KLC2: variants seen among roughly 807,000 people sequenced by gnomAD.
The protein encoded by KLC2 is KLC 2.
A neutral mutation model predicts 75.1 loss-of-function variants in KLC2; 35 were observed. That is an observed-to-expected ratio of 0.47 (90% confidence interval 0.36 to 0.62). The LOEUF (loss-of-function observed/expected upper bound fraction) is 0.62, where lower values mean the gene tolerates loss of function less well. KLC2 is among the 20% of genes least tolerant of loss of function. The pLI is 0.00. For missense variants in KLC2, 611 were observed against 833.2 expected (o/e 0.73, Z 3.28); for synonymous variants, 314 against 336.7 (o/e 0.93, Z 0.74).
At chr11:66,263,093 T>A in intron 5 of KLC2, 57 bp downstream of exon 5, 1 of 1,314,408 alleles carries the variant, frequency 7.6e-7, no homozygotes, top group Non-Finnish European at 1.1e-6. Flanking sequence ...CCTGGATCAC[T>A]AACCCTTGGT....
In KLC2 at chr11:66,258,734, C is replaced by T; in HGVS notation, c.140C>T (p.Ala47Val). The T allele has an allele frequency of 6.2e-7, 1 of 1,613,310 alleles. No individual in the cohort carries two copies. Among genetic ancestry groups the T allele is most frequent in the South Asian group, 1.1e-5 (1 of 91,084 alleles). The stretch of plus-strand genomic sequence containing the variant: ...CTGGCTCCTCTGGTTGCACCTGAGG[C>T]CGGCGAAGCCGAGCCTGGCTCGCAG... ...ALLAPLVAPE[A>V]GEAEPGSQER... The change falls in exon 2 of 16, where the codon GCC becomes GTC. Residue 47 changes from alanine to valine, a missense_variant. Transcript: ENST00000394067.
Position 66,266,528 on chromosome 11 carries a change from G to T in KLC2, c.1785+38G>T, listed in dbSNP as rs370619951. ...GGGTGTCTGGGCACTGGGCAGCTGC[G>T]GCCGGGGCTGCATGCGTGCTGCCAA... is the stretch of plus-strand genomic sequence containing the variant. On this transcript the variant is annotated intron_variant, in intron 15 of 15. Transcript: ENST00000394067. 2.5e-6 allele frequency: 4 copies of T among 1,588,526 alleles called. No individual in the cohort carries two copies. The Admixed American group carries it at 5.0e-5, about 20-fold the overall frequency.
chr11:66,261,658 T>C, intron 2 of KLC2, 84 bp from the exon 3 acceptor site: 2 of 832,126 alleles, frequency 2.4e-6, no homozygotes, highest in South Asian at 1.6e-5. Flanking sequence ...CTTCACTGGG[T>C]GCCAGAGCCC....
chr11:66,262,878 C>A lies in KLC2; in HGVS notation c.594C>A (p.Leu198=), dbSNP rs776328346. Residue 198 remains leucine, a synonymous_variant, in exon 5 of 16, where the codon CTC becomes CTA. Coordinates refer to ENST00000394067, the MANE Select transcript of KLC2 (RefSeq NM_001318734.2). ...QHGGYEIPAR[L]RTLHNLVIQY... ...GGGGCTACGAGATCCCGGCCCGGCT[C>A]CGCACCCTGCACAACCTGGTGATCC... 2.5e-6 allele frequency: 4 copies of A among 1,613,876 alleles called. No homozygotes were observed. Among genetic ancestry groups the A allele is most frequent in the Non-Finnish European group, 3.4e-6 (4 of 1,179,966 alleles).
intron 15 of KLC2, 69 bp from the exon 16 acceptor site, chr11:66,266,804 C>A: frequency 6.6e-7 from 1 of 1,521,118 alleles, no homozygotes; most frequent in Non-Finnish European, 9.1e-7. Flanking sequence ...CAGGTCAGAC[C>A]CCTTCAGGCC....
At position 66,267,707 on chromosome 11, in the gene KLC2, A is replaced by G. The variant is rs186866396; in HGVS notation, c.*751A>G. On this transcript the variant is annotated 3_prime_UTR_variant, in exon 16 of 16. Transcript: ENST00000394067. The stretch of plus-strand genomic sequence containing the variant: ...ACCCCGCCCCGGGCACCGCCCACCG[A>G]GCCATCCTGCCTCGCCTCCCCCCAC... The G allele has an allele frequency of 6.5e-3, 3,220 of 497,108 alleles. 87 individuals carry two copies. The highest frequency in any genetic ancestry group is 0.058 in the African/African-American group (2,829 of 48,866). The allele number at this position is 497,108 out of a possible 1,614,324, so 30.8% of individuals were successfully genotyped here.
chr11:66,250,033 G>C, the KLC2 span, among the ~76,000 whole-genome samples: 1 of 151,884 alleles, frequency 6.6e-6, no homozygotes, highest in African/African-American at 2.4e-5. Context: ...CTTTCCCCCT[G>C]CCATGCTCAC....
chr11:66,258,692 G>T lies in KLC2; in HGVS notation c.98G>T (p.Gly33Val), dbSNP rs1856181153. ...ATCCAGGGACTGGAGACTCTGCGTG[G>T]GGAGCATCGTGCCCTGCTGGCTCCT... ...AVIQGLETLR[G>V]EHRALLAPLV... Residue 33 changes from glycine to valine, a missense_variant, in exon 2 of 16, where the codon GGG (glycine) becomes GTG (valine). Coordinates refer to ENST00000394067, the MANE Select transcript of KLC2 (RefSeq NM_001318734.2). 3 of 1,613,934 alleles carry T rather than the reference G, an allele frequency of 1.9e-6. No homozygotes were observed. The highest frequency in any genetic ancestry group is 2.5e-6 in the Non-Finnish European group (3 of 1,179,974).
At position 66,258,652 on chromosome 11, in the gene KLC2, G is replaced by A. The variant is rs1856177947; in HGVS notation, c.58G>A (p.Gly20Ser). 3 of 1,614,086 alleles carry A rather than the reference G, an allele frequency of 1.9e-6. No homozygotes were observed. In the East Asian group the frequency reaches 6.7e-5, roughly 36 times the overall value. ...GCTGAGCCAGGATGAGATCGTGCTG[G>A]GCACCAAGGCTGTCATCCAGGGACT... ...EKLSQDEIVL[G>S]TKAVIQGLET... Residue 20 changes from glycine to serine, a missense_variant, in exon 2 of 16, where the codon GGC (glycine) becomes AGC (serine). Transcript: ENST00000394067.
chr11:66,260,776 T>G (rs1856344743), intron 2 of KLC2: 2 of 152,094 alleles, frequency 1.3e-5, no homozygotes, highest in East Asian at 1.9e-4. Context: ...TTTGTATTTT[T>G]GGTAGAGATG....
the KLC2 span, among the ~76,000 whole-genome samples, chr11:66,250,888 C>T: frequency 6.6e-6 from 1 of 152,214 alleles, no homozygotes; most frequent in Admixed American, 6.5e-5. Context: ...CCTGAGGAAC[C>T]TCGTAGCTGT....
chr11:66,261,766 C>T lies in KLC2; in HGVS notation c.253C>T (p.Leu85=). 6.2e-7 allele frequency: 1 copy of T among 1,612,172 alleles called. No homozygotes were observed. Among genetic ancestry groups the T allele is most frequent in the South Asian group, 1.1e-5 (1 of 90,982 alleles). The change falls in exon 3 of 16, where the codon CTG becomes TTG. Residue 85 remains leucine, a synonymous_variant. Coordinates refer to ENST00000394067, the MANE Select transcript of KLC2 (RefSeq NM_001318734.2). ...GGTGATCTTGGCATTGTCGAGCCAC[C>T]TGGGGGCTGTAGAATCAGAGAAGCA... ...AQVILALSSH[L]GAVESEKQKL...
chr11:66,262,908 C>T lies in KLC2; in HGVS notation c.624C>T (p.Tyr208=), dbSNP rs201031084. 65 of 1,613,756 alleles carry T rather than the reference C, an allele frequency of 4.0e-5. No homozygotes were observed. The highest frequency in any genetic ancestry group is 4.3e-5 in the Non-Finnish European group (51 of 1,179,948). ...CCCTGCACAACCTGGTGATCCAATA[C>T]GCCTCACAGGGCCGCTACGAGGTAG... ...LRTLHNLVIQ[Y]ASQGRYEVAV... is the part of the protein sequence containing the mutation. Residue 208 remains tyrosine (Y), a synonymous_variant, in exon 5 of 16, where the codon TAC becomes TAT. Transcript: ENST00000394067.
rs773720373 is a variant in KLC2 at position 66,261,756 on chromosome 11, G to A, written c.243G>A (p.Leu81=). 2 of 1,611,470 alleles carry A rather than the reference G, an allele frequency of 1.2e-6. No homozygotes were observed. The highest frequency in any genetic ancestry group is 2.2e-5 in the South Asian group (2 of 90,956). The change falls in exon 3 of 16, where the codon TTG becomes TTA. Residue 81 remains leucine, a synonymous_variant. Transcript: ENST00000394067. ...GLGEAQVILA[L]SSHLGAVESE... is the part of the protein sequence containing the mutation. ...TGGTTGCACAGGTGATCTTGGCATT[G>A]TCGAGCCACCTGGGGGCTGTAGAAT...
rs769951516 is a variant in KLC2 at position 66,265,778 on chromosome 11, A to G, written c.1443+15A>G. On this transcript the variant is annotated intron_variant, in intron 12 of 15. Transcript: ENST00000394067. ...ACCGCAAGCAGGTGGGGCTCCATGC[A>G]GGAGGGGGTGGGCAGACACCTGTGT... The G allele has an allele frequency of 1.2e-6, 2 of 1,611,814 alleles. No individual in the cohort carries two copies. The highest frequency in any genetic ancestry group is 2.2e-5 in the South Asian group (2 of 90,902).
At position 66,262,915 on chromosome 11, in the gene KLC2, C is replaced by G; in HGVS notation, c.631C>G (p.Gln211Glu). The G allele has an allele frequency of 1.2e-6, 2 of 1,613,996 alleles. No homozygotes were observed. The highest frequency in any genetic ancestry group is 1.3e-5 in the African/African-American group (1 of 74,982). ...CAACCTGGTGATCCAATACGCCTCA[C>G]AGGGCCGCTACGAGGTAGCTGTGCC... ...LHNLVIQYAS[Q>E]GRYEVAVPLC... The change falls in exon 5 of 16, where the codon CAG becomes GAG. Residue 211 changes from glutamine to glutamate, a missense_variant. By Grantham distance (29) the Gln-to-Glu change is conservative (BLOSUM62 2). Coordinates refer to ENST00000394067, the MANE Select transcript of KLC2 (RefSeq NM_001318734.2).
At chr11:66,252,464 C>T (rs951634558), upstream of KLC2, among the ~76,000 whole-genome samples, 9 of 87,054 alleles carry the variant, frequency 1.0e-4, no homozygotes, top group South Asian at 1.4e-3. Flanking sequence ...GGGGTTTCAC[C>T]ATGTTAGCCA....
At chr11:66,248,136 G>A in the KLC2 span, among the ~76,000 whole-genome samples, 1 of 152,148 alleles carries the variant, frequency 6.6e-6, no homozygotes, top group African/African-American at 2.4e-5. Flanking sequence ...TAACCTGCAC[G>A]CCAACTCCAG....
chr11:66,255,989 C>G (rs1856019843), upstream of KLC2, among the ~76,000 whole-genome samples: 1 of 152,050 alleles, frequency 6.6e-6, no homozygotes, highest in Non-Finnish European at 1.5e-5. Flanking sequence ...TGGTCTCAAA[C>G]TCCTGACCTC....
Sources: gnomAD v4.1 joint callset for allele counts (sites outside exome capture counted in the v4.1 genomes callset) on GRCh38, gnomAD v4.1.1 for gene constraint, MANE v1.5 for transcripts, NCBI Gene and HGNC (gene_info 2026-07-23, HGNC 2026-07-21) for gene names.